The following CHLSN variants were observed in gnomAD, a reference collection of about 807,000 sequenced individuals.
CHLSN encodes the protein cholesin.
chr7:1,060,046 G>GTCTTAGTGAGGCGGA, the CHLSN span, among the ~76,000 whole-genome samples: 1 of 150,138 alleles, frequency 6.7e-6, no homozygotes, highest in Non-Finnish European at 1.5e-5. Flanking sequence ...AGTGAGGCGG[G>GTCTTAGTGAGGCGGA]TCTTAGTGAG....
the CHLSN span, among the ~76,000 whole-genome samples, chr7:1,098,303 T>A: frequency 1.3e-5 from 2 of 152,146 alleles, no homozygotes; most frequent in African/African-American, 4.8e-5. Flanking sequence ...GAAACATGCA[T>A]CCAAGCAAGC....
At chr7:1,091,554 A>C in the CHLSN span, 1 of 613,286 alleles carries the variant, frequency 1.6e-6, no homozygotes, top group African/African-American at 1.8e-5. Context: ...CACTCTCTGC[A>C]GTTAACAAAC....
At chr7:1,120,267 G>A in the CHLSN span, among the ~76,000 whole-genome samples, 1 of 152,288 alleles carries the variant, frequency 6.6e-6, no homozygotes, top group South Asian at 2.1e-4. Flanking sequence ...AGTGTGTGGA[G>A]GAGCCAGGAC....
At chr7:1,024,628 C>G in the CHLSN span, 1 of 152,256 alleles carries the variant, frequency 6.6e-6, no homozygotes, top group Non-Finnish European at 1.5e-5. Context: ...GAGCCACCCT[C>G]CCCGCTGCCA....
At chr7:1,091,802 A>C in the CHLSN span, 11 of 1,596,258 alleles carry the variant, frequency 6.9e-6, no homozygotes, top group Non-Finnish European at 8.6e-6. Context: ...GCGGCCCCCA[A>C]CACCACCTCC....
the CHLSN span, among the ~76,000 whole-genome samples, chr7:1,033,155 C>T: frequency 1.3e-5 from 2 of 152,202 alleles, no homozygotes; most frequent in African/African-American, 4.8e-5. Flanking sequence ...GACTAATATC[C>T]CTCATAAATA....
the CHLSN span, among the ~76,000 whole-genome samples, chr7:1,060,814 C>T: frequency 1.3e-5 from 2 of 152,224 alleles, no homozygotes; most frequent in Non-Finnish European, 2.9e-5. Flanking sequence ...GTGTAAGGGC[C>T]GCGTCTCTGA....
the CHLSN span, among the ~76,000 whole-genome samples, chr7:998,457 CTTTTTTTTTTTTTT>C: frequency 4.2e-3 from 396 of 95,054 alleles, 3 homozygotes; most frequent in Non-Finnish European, 6.1e-3. Context: ...GTCTTAGATT[CTTTTTTTTTTTTTT>C]TTTTTTTTTG....
At chr7:988,785 C>G in the CHLSN span, 4 of 1,595,578 alleles carry the variant, frequency 2.5e-6, no homozygotes, top group Non-Finnish European at 3.4e-6. Flanking sequence ...ACCATGAGGC[C>G]GAGGGCCCAG....
the CHLSN span, among the ~76,000 whole-genome samples, chr7:981,239 T>C: frequency 6.9e-6 from 1 of 145,788 alleles, no homozygotes; most frequent in Non-Finnish European, 1.5e-5. Context: ...GAGGTTGCAG[T>C]GAGCCAAGAT....
the CHLSN span, chr7:1,022,867 C>G: frequency 1.4e-5 from 5 of 369,590 alleles, no homozygotes; most frequent in Non-Finnish European, 2.8e-5. Context: ...CCCACGCATA[C>G]GAGTCCAGGG....
chr7:1,057,974 T>C, the CHLSN span: 1 of 770,956 alleles, frequency 1.3e-6, no homozygotes, highest in Non-Finnish European at 2.4e-6. Flanking sequence ...TCGTGTGGGG[T>C]GGCGCGCTGC....
the CHLSN span, among the ~76,000 whole-genome samples, chr7:1,105,166 C>T: frequency 6.6e-6 from 1 of 152,254 alleles, no homozygotes; most frequent in African/African-American, 2.4e-5. Flanking sequence ...GGACAAGCCA[C>T]AGGCTCTGGG....
At chr7:1,123,016 C>T in the CHLSN span, among the ~76,000 whole-genome samples, 71 of 152,240 alleles carry the variant, frequency 4.7e-4, 1 homozygote, top group African/African-American at 1.6e-3. This position sits in a 1 kb window ranked among gnomAD's most constrained non-coding sequence, Gnocchi z 4.4. Context: ...CCCACCTCCC[C>T]AGCACTCCAG....
chr7:983,259 G>C, the CHLSN span: 1 of 1,539,070 alleles, frequency 6.5e-7, no homozygotes, highest in Non-Finnish European at 8.8e-7. Flanking sequence ...GGCTCTGGGG[G>C]CTGCTCTGCG....
At chr7:984,514 G>C in the CHLSN span, 1 of 1,552,874 alleles carries the variant, frequency 6.4e-7, no homozygotes, top group South Asian at 1.2e-5. Flanking sequence ...GGCGGGCCCC[G>C]GGCAGGAGCT....
the CHLSN span, among the ~76,000 whole-genome samples, chr7:1,130,724 G>T: frequency 4.6e-5 from 7 of 152,024 alleles, no homozygotes; most frequent in African/African-American, 1.7e-4. Flanking sequence ...GGGTGGGGGC[G>T]GGGGGGTGCC....
chr7:1,078,020 A>G, the CHLSN span: 1 of 152,238 alleles, frequency 6.6e-6, no homozygotes, highest in Non-Finnish European at 1.5e-5. Flanking sequence ...AAGCTTCTCT[A>G]TACTACAGAT....
chr7:1,102,961 C>A, the CHLSN span, among the ~76,000 whole-genome samples: 1 of 152,230 alleles, frequency 6.6e-6, no homozygotes, highest in Admixed American at 6.5e-5. Flanking sequence ...GAGGTGGGCA[C>A]ACCAGGGAGC....
Sources: gnomAD v4.1 joint callset for allele counts (sites outside exome capture counted in the v4.1 genomes callset) on GRCh38, gnomAD v4.1.1 for gene constraint, Gnocchi (gnomAD v3.1) non-coding constraint, MANE v1.5 for transcripts, NCBI Gene and HGNC (gene_info 2026-07-23, HGNC 2026-07-21) for gene names.